Variants in PRKD1 observed in about 807,000 individuals in gnomAD.
PRKD1 encodes serine/threonine-protein kinase D1.
A neutral mutation model predicts 95.9 loss-of-function variants in PRKD1; 63 were observed. The ratio of observed to expected loss-of-function variants is 0.66; its 90% CI spans 0.54 to 0.81. The LOEUF (loss-of-function observed/expected upper bound fraction) is 0.81, where lower values mean the gene tolerates loss of function less well. Among genes scored for constraint, PRKD1 ranks in the 30% least tolerant of loss-of-function variants. The pLI, the probability that PRKD1 is intolerant of heterozygous loss-of-function variation, is 0.00. For synonymous variants in PRKD1, 425 were observed against 423.1 expected (o/e 1.00, Z -0.05); for missense variants, 1,048 against 1,165.3 (o/e 0.90, Z 1.47).
At chr14:29,816,699 C>T (rs1376171416) in intron 1 of PRKD1, among the ~76,000 whole-genome samples, 1 of 152,168 alleles carries the variant, frequency 6.6e-6, no homozygotes, top group Admixed American at 6.5e-5. Context: ...TCTTTGGTTT[C>T]AGGGTGTCTT....
At chr14:29,629,870 TATTA>T (rs768900820) in intron 10 of PRKD1, among the ~76,000 whole-genome samples, 22 of 152,136 alleles carry the variant, frequency 1.4e-4, no homozygotes, top group Non-Finnish European at 2.5e-4. Flanking sequence ...TAGGGAAACT[TATTA>T]ATTCAGATTT....
chr14:29,687,812 G>A (rs780100113), intron 2 of PRKD1, among the ~76,000 whole-genome samples: 1 of 152,166 alleles, frequency 6.6e-6, no homozygotes, highest in African/African-American at 2.4e-5. Context: ...ATCTGTCACT[G>A]GAATGAGTAG....
At position 29,634,415 on chromosome 14, in the gene PRKD1, T is replaced by G. The variant is rs1317904596; in HGVS notation, c.1314+3A>C. The G allele has an allele frequency of 6.2e-7, 1 of 1,614,004 alleles. No individual in the cohort carries two copies. The highest frequency in any genetic ancestry group is 8.5e-7 in the Non-Finnish European group (1 of 1,179,912). ...AGAGAACATTGTTCCCTGTGGATCTTACCAGCGTGTCCTTGCTGGTGTAGT... is the reference window on the plus strand; with the variant it reads ...AGAGAACATTGTTCCCTGTGGATCTGACCAGCGTGTCCTTGCTGGTGTAGT... On this transcript the variant is annotated splice_donor_region_variant and intron_variant, in intron 8 of 17. Coordinates refer to ENST00000331968, the MANE Select transcript of PRKD1 (RefSeq NM_002742.3).
chr14:29,845,949 G>A (rs1200035888), intron 1 of PRKD1, among the ~76,000 whole-genome samples: 1 of 152,078 alleles, frequency 6.6e-6, no homozygotes, highest in African/African-American at 2.4e-5. Context: ...AACAGCTCAG[G>A]AGTTTATCTT....
intron 2 of PRKD1, among the ~76,000 whole-genome samples, chr14:29,678,786 A>G (rs556837241): frequency 9.8e-5 from 15 of 152,354 alleles, no homozygotes; most frequent in Non-Finnish European, 1.9e-4. Flanking sequence ...GCATTTTAAC[A>G]TATATATGCA....
intron 7 of PRKD1, 46 bp downstream of exon 7, chr14:29,636,244 T>C (rs2139128644): frequency 1.2e-6 from 2 of 1,604,436 alleles, no homozygotes; most frequent in Non-Finnish European, 1.7e-6. Flanking sequence ...GAGAAAATAC[T>C]GCCTGGGGTT....
intron 1 of PRKD1, among the ~76,000 whole-genome samples, chr14:29,734,861 T>C (rs927063538): frequency 6.6e-6 from 1 of 152,162 alleles, no homozygotes; most frequent in African/African-American, 2.4e-5. Flanking sequence ...TGAGCTCTTA[T>C]CTCTGTCTTC....
chr14:29,696,146 T>G (rs1033160897), intron 2 of PRKD1, among the ~76,000 whole-genome samples: 1 of 152,176 alleles, frequency 6.6e-6, no homozygotes, highest in Non-Finnish European at 1.5e-5. Flanking sequence ...GATAGTCTAG[T>G]AAGTTAAAAA....
chr14:29,791,458 T>C (rs1268751704), intron 1 of PRKD1, among the ~76,000 whole-genome samples: 1 of 152,182 alleles, frequency 6.6e-6, no homozygotes, highest in African/African-American at 2.4e-5. Context: ...ACCTCTCATA[T>C]TCCTCCGTAC....
At chr14:29,710,543 A>G (rs1252337302) in intron 2 of PRKD1, among the ~76,000 whole-genome samples, 2 of 152,170 alleles carry the variant, frequency 1.3e-5, no homozygotes, top group East Asian at 3.9e-4. Flanking sequence ...AAAAACGAGG[A>G]AAGTCTGAGA....
rs1566623250 is a variant in PRKD1 at position 29,826,850 on chromosome 14, T to TAC, written c.264+100398_264+100399insGT. Among the ~76,000 whole-genome samples the TAC allele has an allele frequency of 1.8e-4, 16 of 87,690 alleles. 2 individuals are homozygous for TAC. Among genetic ancestry groups the TAC allele is most frequent in the African/African-American group, 6.7e-4 (14 of 20,924 alleles). 57.5% of individuals were successfully genotyped at this position (87,690 alleles called of 152,430 possible). A position where few individuals can be genotyped will look rare whatever the true frequency, so the allele number is the denominator to read the frequency against. On this transcript the variant is annotated intron_variant, in intron 1 of 17. Coordinates refer to ENST00000331968, the MANE Select transcript of PRKD1 (RefSeq NM_002742.3). ...ATATATATATATATACACACATATA[T>TAC]ATATATATATATATATATATATATA...
intron 1 of PRKD1, among the ~76,000 whole-genome samples, chr14:29,890,692 A>T (rs1893908563): frequency 6.6e-6 from 1 of 152,170 alleles, no homozygotes; most frequent in African/African-American, 2.4e-5. Context: ...TAATCTTCCA[A>T]TTTAGTAACC....
intron 16 of PRKD1, among the ~76,000 whole-genome samples, chr14:29,587,572 C>T (rs1402497973): frequency 6.6e-6 from 1 of 152,182 alleles, no homozygotes; most frequent in Non-Finnish European, 1.5e-5. Flanking sequence ...CTTGCTAAAA[C>T]CTCTGAGCAG....
At chr14:29,790,668 G>A (rs578002953) in intron 1 of PRKD1, among the ~76,000 whole-genome samples, 15 of 152,140 alleles carry the variant, frequency 9.9e-5, no homozygotes, top group South Asian at 8.3e-4. Flanking sequence ...TCCTTCTAAA[G>A]AACTTGGAAT....
chr14:29,648,061 A>AC (rs919253595), intron 4 of PRKD1, among the ~76,000 whole-genome samples: 32 of 152,338 alleles, frequency 2.1e-4, no homozygotes, highest in African/African-American at 7.7e-4. Context: ...ACAGAAACTT[A>AC]GAGACCTTAC....
intron 1 of PRKD1, among the ~76,000 whole-genome samples, chr14:29,785,527 C>T (rs1022323709): frequency 2.0e-5 from 3 of 152,168 alleles, no homozygotes; most frequent in East Asian, 3.9e-4. Context: ...ATTTGACTTC[C>T]TCCTTTCCAA....
Position 29,636,357 on chromosome 14 carries a change from A to G in PRKD1, c.1123T>C (p.Cys375Arg), listed in dbSNP as rs1438968362. Residue 375 changes from cysteine to arginine, a missense_variant, in exon 7 of 18, where the codon TGC becomes CGC. Around this residue, in one of 3 missense-constraint regions of PRKD1, gnomAD observed 739 missense variants for 861.9 expected, o/e 0.86. Transcript: ENST00000331968. ...VQDAEMAMAECQNDSGEMQDP... is the reference protein window; with the variant it reads ...VQDAEMAMAERQNDSGEMQDP... ...TGCATCTCGCCACTGTCGTTCTGGC[A>G]CTCTGCCATTGCCATCTCTGCATCT... 6.2e-7 allele frequency: 1 copy of G among 1,614,126 alleles called. No homozygotes were observed. The highest frequency in any genetic ancestry group is 1.7e-5 in the Admixed American group (1 of 60,020).
chr14:29,725,573 A>G lies in PRKD1; in HGVS notation c.366T>C (p.Asp122=). The G allele has an allele frequency of 1.2e-6, 2 of 1,613,854 alleles. No homozygotes were observed. The highest frequency in any genetic ancestry group is 1.7e-6 in the Non-Finnish European group (2 of 1,179,784). The stretch of plus-strand genomic sequence containing the variant: ...CTTCAATAAGATCGCCTTCCTGGAT[A>G]TCACTGGCCGCTTTCACCAGCTGAA... ...NILQLVKAAS[D]IQEGDLIEVV... The change falls in exon 2 of 18, where the codon GAT becomes GAC. Residue 122 remains aspartate (D), a synonymous_variant. Coordinates refer to ENST00000331968, the MANE Select transcript of PRKD1 (RefSeq NM_002742.3).
intron 2 of PRKD1, among the ~76,000 whole-genome samples, chr14:29,715,609 C>G (rs570013823): frequency 6.6e-6 from 1 of 152,046 alleles, no homozygotes; most frequent in East Asian, 1.9e-4. Flanking sequence ...GCCTCAAGCA[C>G]AAGAAATTTG....
Sources: allele counts gnomAD v4.1 joint callset (sites outside exome capture counted in the v4.1 genomes callset), GRCh38; gene constraint gnomAD v4.1.1; regional missense constraint gnomAD v4.1.1; transcripts MANE v1.5; gene names NCBI Gene and HGNC (gene_info 2026-07-23, HGNC 2026-07-21).